ASPH: variants seen among roughly 807,000 people sequenced by gnomAD.
ASPH encodes the protein aspartyl/asparaginyl beta-hydroxylase.
Under a neutral mutation model 118.4 loss-of-function variants are expected in ASPH, and 100 were observed. That is an observed-to-expected ratio of 0.84 (90% CI 0.72 to 1.00). The LOEUF (loss-of-function observed/expected upper bound fraction) is 1.00. Ranked by LOEUF, ASPH falls within the 50% of genes least tolerant of loss-of-function variation. The pLI is 0.00. For missense variants in ASPH, 920 were observed against 919.5 expected, an observed-to-expected ratio of 1.00 and a Z score of -0.01; for synonymous variants, 315 against 325.6, an observed-to-expected ratio of 0.97 and a Z score of 0.35.
At chr8:61,659,317 T>C (rs11782627) in intron 3 of ASPH, 100,145 of 152,046 alleles carry the variant, frequency 0.66, 33,244 homozygotes, top group East Asian at 0.74. Flanking sequence ...ATGGGAACTA[T>C]AGACACAGCA....
intron 1 of ASPH, among the ~76,000 whole-genome samples, chr8:61,712,111 C>G (rs979348952): frequency 1.3e-5 from 2 of 152,130 alleles, no homozygotes; most frequent in Non-Finnish European, 2.9e-5. Context: ...TCAATGAACT[C>G]GGCAACTTCT....
In ASPH at chr8:61,646,847, T is replaced by A; in HGVS notation, c.522A>T (p.Gly174=). The change falls in exon 6 of 25, where the codon GGA becomes GGT. Residue 174 remains glycine, a synonymous_variant. Coordinates refer to ENST00000379454, the MANE Select transcript of ASPH (RefSeq NM_004318.4). ...VEGEDLQQED[G]PTGEPQQEDD... ...CCTCTTGTTGTGGTTCTCCTGTGGGTCCATCTTCTTGTTGCAAGTCTTCTC... is the reference window on the plus strand; with the variant it reads ...CCTCTTGTTGTGGTTCTCCTGTGGGACCATCTTCTTGTTGCAAGTCTTCTC... The A allele has an allele frequency of 6.2e-7, 1 of 1,613,830 alleles. No homozygotes were observed. The highest frequency in any genetic ancestry group is 8.5e-7 in the Non-Finnish European group (1 of 1,179,872).
At chr8:61,663,455 G>C in intron 3 of ASPH, 5 of 985,410 alleles carry the variant, frequency 5.1e-6, no homozygotes, top group Non-Finnish European at 6.0e-6. Flanking sequence ...TCAAGTGGTA[G>C]CATCTCCAAA....
chr8:61,566,270 T>C (rs930842311), intron 17 of ASPH, among the ~76,000 whole-genome samples: 2 of 152,194 alleles, frequency 1.3e-5, no homozygotes, highest in Admixed American at 6.5e-5. Flanking sequence ...AAGACTTCAG[T>C]GGAGGAAGTA....
intron 21 of ASPH, among the ~76,000 whole-genome samples, chr8:61,545,306 G>T (rs1236190474): frequency 2.0e-5 from 3 of 152,158 alleles, no homozygotes; most frequent in Non-Finnish European, 4.4e-5. Context: ...CCAGGAAGCA[G>T]GCCTTCACCA....
At chr8:61,594,965 C>T (rs748553901) in intron 14 of ASPH, among the ~76,000 whole-genome samples, 4 of 151,942 alleles carry the variant, frequency 2.6e-5, no homozygotes, top group African/African-American at 4.8e-5. Context: ...TATGTTTGAC[C>T]GATGTTTGTT....
intron 23 of ASPH, 61 bp downstream of exon 23, chr8:61,517,971 G>A: frequency 6.7e-7 from 1 of 1,490,716 alleles, no homozygotes. Context: ...CTTTGTAAAG[G>A]TCAACACGCC....
intron 10 of ASPH, among the ~76,000 whole-genome samples, chr8:61,640,821 A>G (rs1457923121): frequency 6.6e-6 from 1 of 152,202 alleles, no homozygotes; most frequent in African/African-American, 2.4e-5. Context: ...GGTTTGTCCA[A>G]TGTAGGCATG....
intron 6 of ASPH, 59 bp from the exon 7 acceptor site, chr8:61,644,691 C>G: frequency 7.8e-7 from 1 of 1,283,322 alleles, no homozygotes; most frequent in Non-Finnish European, 1.1e-6. Flanking sequence ...ATGTATATAT[C>G]CCGTATATGT....
At chr8:61,697,742 C>A (rs1269887752) in intron 1 of ASPH, among the ~76,000 whole-genome samples, 1 of 152,158 alleles carries the variant, frequency 6.6e-6, no homozygotes, top group Non-Finnish European at 1.5e-5. Context: ...GGAAGAAGTG[C>A]CAAGTTTCCA....
chr8:61,665,332 G>A, intron 3 of ASPH: 1 of 1,613,690 alleles, frequency 6.2e-7, no homozygotes, highest in Non-Finnish European at 8.5e-7. Context: ...TGTCATCTTT[G>A]TCTCGGGATG....
intron 14 of ASPH, among the ~76,000 whole-genome samples, chr8:61,588,474 A>T (rs1308145068): frequency 1.3e-5 from 2 of 152,224 alleles, no homozygotes; most frequent in Non-Finnish European, 2.9e-5. Context: ...ATCATCAATA[A>T]AAACAGACAC....
At chr8:61,542,303 C>T (rs1278158019) in intron 21 of ASPH, among the ~76,000 whole-genome samples, 1 of 152,116 alleles carries the variant, frequency 6.6e-6, no homozygotes, top group South Asian at 2.1e-4. Context: ...CTCTGTTCCT[C>T]CATTACTGCC....
chr8:61,697,768 A>C (rs1221016912), intron 1 of ASPH, among the ~76,000 whole-genome samples: 1 of 152,156 alleles, frequency 6.6e-6, no homozygotes, highest in Non-Finnish European at 1.5e-5. Flanking sequence ...TTAAAGAAAA[A>C]CTTTGGCCAA....
At chr8:61,637,100 A>G (rs1858160863) in intron 12 of ASPH, among the ~76,000 whole-genome samples, 1 of 152,150 alleles carries the variant, frequency 6.6e-6, no homozygotes, top group African/African-American at 2.4e-5. Context: ...AAAGGTGACA[A>G]TTAGCTGCTC....
chr8:61,525,141 CT>C lies in ASPH; in HGVS notation c.1900+835del, dbSNP rs76610478. On this transcript the variant is annotated intron_variant, in intron 22 of 24. Coordinates refer to ENST00000379454, the MANE Select transcript of ASPH (RefSeq NM_004318.4). Reference sequence around the variant, plus strand: ...AGATAAACCACTGTCCTTATTTGTCCTTTAGTGTAAATTAGATGCATATTAC... The same window carrying C: ...AGATAAACCACTGTCCTTATTTGTCCTTAGTGTAAATTAGATGCATATTAC... Among the ~76,000 whole-genome samples the C allele has an allele frequency of 7.2e-5, 11 of 152,202 alleles. No individual in the cohort carries two copies. In the East Asian group the frequency reaches 2.1e-3, roughly 29 times the overall value.
chr8:61,714,304 G>C lies in ASPH; in HGVS notation c.68C>G (p.Thr23Arg), dbSNP rs1318355055. The C allele has an allele frequency of 6.6e-7, 1 of 1,522,044 alleles. No individual in the cohort carries two copies. The highest frequency in any genetic ancestry group is 1.2e-5 in the South Asian group (1 of 81,654). The allele number at this position is 1,522,044 out of a possible 1,614,324, so 94.3% of individuals were successfully genotyped here. A position where few individuals can be genotyped will look rare whatever the true frequency, so the allele number is the denominator to read the frequency against. The change falls in exon 1 of 25, where the codon ACG becomes AGG. Residue 23 changes from threonine (T) to arginine (R), a missense_variant. Coordinates refer to ENST00000379454, the MANE Select transcript of ASPH (RefSeq NM_004318.4). ...CCCGGGGCTGCTGCTGCCCGCACTC[G>C]TGCTACCGCTGCCGGAGCCGCTGCT... is the stretch of plus-strand genomic sequence containing the variant. ...SSSSGSGSGS[T>R]SAGSSSPGAR...
Position 61,600,165 on chromosome 8 carries a change from C to A in ASPH, c.977-16136G>T, listed in dbSNP as rs146865383. ...AACCATATGATCATCTCAATAGTTG[C>A]AGAAAACGCATTTGATAAAATACAA... On this transcript the variant is annotated intron_variant, in intron 14 of 24. Transcript: ENST00000379454. Among the ~76,000 whole-genome samples the A allele has an allele frequency of 1.1e-4, 17 of 152,084 alleles. No homozygotes were observed. The East Asian group carries it at 2.7e-3, about 24-fold the overall frequency.
chr8:61,513,889 T>C (rs960998837), intron 24 of ASPH, among the ~76,000 whole-genome samples: 10 of 152,134 alleles, frequency 6.6e-5, no homozygotes, highest in African/African-American at 1.9e-4. Flanking sequence ...GGTGGTTGTT[T>C]TCTTTATCAA....
Sources: allele counts gnomAD v4.1 joint callset (sites outside exome capture counted in the v4.1 genomes callset), GRCh38; gene constraint gnomAD v4.1.1; transcripts MANE v1.5; gene names NCBI Gene and HGNC (gene_info 2026-07-23, HGNC 2026-07-21).